The following SLC22A2 variants were observed in gnomAD, a reference collection of about 807,000 sequenced individuals.
SLC22A2 encodes the protein organic cation transporter 2.
SLC22A2 carries 46 observed loss-of-function variants against 60.5 expected under a neutral mutation model. The ratio of observed to expected loss-of-function variants is 0.76; its 90% CI spans 0.60 to 0.97. SLC22A2 has a LOEUF of 0.97. Ranked by LOEUF, SLC22A2 falls within the 50% of genes least tolerant of loss-of-function variation. SLC22A2 has a pLI of 0.00. For synonymous variants in SLC22A2, 303 were observed against 267.0 expected, an observed-to-expected ratio of 1.13 and a Z score of -1.31; for missense variants, 701 against 706.6, an observed-to-expected ratio of 0.99 and a Z score of 0.09.
rs748096830 is a variant in SLC22A2, at chr6:160,250,562, A to G, written c.659T>C (p.Ile220Thr). Residue 220 changes from isoleucine to threonine, a missense_variant, in exon 3 of 11, where the codon ATA becomes ACA. Transcript: ENST00000366953. ...AACATTCTTACTCAGGATGTAGCCTATTAACCAGCCTGCTTTGCTGACCAG... is the reference window on the plus strand; with the variant it reads ...AACATTCTTACTCAGGATGTAGCCTGTTAACCAGCCTGCTTTGCTGACCAG... ...QGLVSKAGWL[I>T]GYILITEFVG... 1 of 1,614,078 alleles carries G rather than the reference A, an allele frequency of 6.2e-7. No individual in the cohort carries two copies. The highest frequency in any genetic ancestry group is 8.5e-7 in the Non-Finnish European group (1 of 1,179,952).
Position 160,232,787 on chromosome 6 carries a change from C to A in SLC22A2, c.1502-7983G>T, listed in dbSNP as rs539224366. ...GCTAAAAAAGCAGCTAGCATTCCAA[C>A]TTCTATCCCTCACGGCAGTTTTTCT... On this transcript the variant is annotated intron_variant, in intron 9 of 10. Transcript: ENST00000366953. Among the ~76,000 whole-genome samples, 13 of 152,002 alleles carry A rather than the reference C, an allele frequency of 8.6e-5. No homozygotes were observed. In the South Asian group the frequency reaches 2.5e-3, roughly 29 times the overall value.
Position 160,217,488 on chromosome 6 carries a change from T to G in SLC22A2, c.1612A>C (p.Asn538His). Residue 538 changes from asparagine to histidine, a missense_variant, in exon 11 of 11, where the codon AAT (asparagine) becomes CAT (histidine). Coordinates refer to ENST00000366953, the MANE Select transcript of SLC22A2 (RefSeq NM_003058.4). ...EAENMQRPRKNKEKMIYLQVQ... is the reference protein window; with the variant it reads ...EAENMQRPRKHKEKMIYLQVQ... ...TGGAGGTAAATCATCTTTTCTTTAT[T>G]TTTTCTTGGTCTGCAATAAGAAATA... 3.8e-6 allele frequency: 6 copies of G among 1,587,516 alleles called. No individual in the cohort carries two copies. The highest frequency in any genetic ancestry group is 5.2e-6 in the Non-Finnish European group (6 of 1,156,346).
At chr6:160,239,794 C>A (rs564134693) in intron 9 of SLC22A2, among the ~76,000 whole-genome samples, 5 of 152,214 alleles carry the variant, frequency 3.3e-5, no homozygotes, top group African/African-American at 1.2e-4. Context: ...AGCTTGTGCT[C>A]TGTCAACTTT....
chr6:160,250,513 T>G, intron 3 of SLC22A2, 35 bp downstream of exon 3: 1 of 1,613,118 alleles, frequency 6.2e-7, no homozygotes, highest in South Asian at 1.1e-5. Flanking sequence ...GCGAGGTTGC[T>G]TTGTTCTCAC....
At position 160,228,829 on chromosome 6, in the gene SLC22A2, C is replaced by T. The variant is rs2114853523; in HGVS notation, c.1502-4025G>A. On this transcript the variant is annotated intron_variant, in intron 9 of 10. Transcript: ENST00000366953. Reference sequence around the variant, plus strand: ...CTGGCTCGTCCTGGCTCAAAAGCTCCCCCACTGAGCACCTTGTGTCCCCCA... The same window carrying T: ...CTGGCTCGTCCTGGCTCAAAAGCTCTCCCACTGAGCACCTTGTGTCCCCCA... Among the ~76,000 whole-genome samples the T allele has an allele frequency of 1.3e-5, 2 of 151,942 alleles. 1 individual carries two copies. The highest frequency in any genetic ancestry group is 4.2e-4 in the South Asian group (2 of 4,808).
intron 10 of SLC22A2, among the ~76,000 whole-genome samples, chr6:160,220,269 C>T (rs1782624777): frequency 6.6e-6 from 1 of 152,216 alleles, no homozygotes; most frequent in South Asian, 2.1e-4. Context: ...ACTTTCTAAG[C>T]TCATCTGTAA....
intron 4 of SLC22A2, among the ~76,000 whole-genome samples, chr6:160,248,137 A>C (rs1156316499): frequency 6.6e-6 from 1 of 152,196 alleles, no homozygotes; most frequent in Non-Finnish European, 1.5e-5. Context: ...CCTCACCCCC[A>C]GTGTGCAATT....
rs9365148 is a variant in SLC22A2 at position 160,228,101 on chromosome 6, T to A, written c.1502-3297A>T. On this transcript the variant is annotated intron_variant, in intron 9 of 10. Transcript: ENST00000366953. The stretch of plus-strand genomic sequence containing the variant: ...AGTAGCCATTCTTTATTCCTTGACT[T>A]CCTTAATAAAGTTGCTTTCACATTA... 3.7e-3 allele frequency among the ~76,000 whole-genome samples: 557 copies of A among 152,352 alleles called. 21 individuals are homozygous for A. The East Asian group carries it at 0.09, about 25-fold the overall frequency.
chr6:160,216,967 A>T lies in SLC22A2; in HGVS notation c.*465T>A, dbSNP rs1240207760. 2.0e-5 allele frequency: 3 copies of T among 151,662 alleles called. No individual in the cohort carries two copies. The allele number at this position is 151,662 out of a possible 1,614,324, so 9.4% of individuals were successfully genotyped here. ...CTTCACCTGTGTTACTGAAAGGCCT[A>T]TCTAAAATTCTTGACATACATTCTG... On this transcript the variant is annotated 3_prime_UTR_variant, in exon 11 of 11. Coordinates refer to ENST00000366953, the MANE Select transcript of SLC22A2 (RefSeq NM_003058.4).
At position 160,247,251 on chromosome 6, in the gene SLC22A2, G is replaced by C. The variant is rs8177513; in HGVS notation, c.890C>G (p.Ala297Gly). ...PRWLISQNKNAEAMRIIKHIA... is the reference protein window; with the variant it reads ...PRWLISQNKNGEAMRIIKHIA... The stretch of plus-strand genomic sequence containing the variant: ...GTGCTTAATGATTCTCATGGCTTCA[G>C]CATTCTTATTCTGGGAGATCAGCCA... Residue 297 changes from alanine to glycine, a missense_variant, in exon 5 of 11, where the codon GCT (alanine) becomes GGT (glycine). Physicochemically the swap from Ala to Gly is moderately conservative, Grantham distance 60. Coordinates refer to ENST00000366953, the MANE Select transcript of SLC22A2 (RefSeq NM_003058.4). 3 of 1,613,556 alleles carry C rather than the reference G, an allele frequency of 1.9e-6. No homozygotes were observed. The highest frequency in any genetic ancestry group is 2.5e-6 in the Non-Finnish European group (3 of 1,179,616).
chr6:160,256,682 G>A lies in SLC22A2; in HGVS notation c.450C>T (p.Asp150=). 6.2e-7 allele frequency: 1 copy of A among 1,614,066 alleles called. No individual in the cohort carries two copies. The highest frequency in any genetic ancestry group is 8.5e-7 in the Non-Finnish European group (1 of 1,179,930). The part of the protein sequence containing the change: ...NLVCANSWML[D]LFQSSVNVGF... ...CTACATTCACTGATGACTGGAATAGGTCCAACATCCAGGAGTTGGCACATA... is the reference window on the plus strand; with the variant it reads ...CTACATTCACTGATGACTGGAATAGATCCAACATCCAGGAGTTGGCACATA... Residue 150 remains aspartate, a synonymous_variant, in exon 2 of 11, where the codon GAC becomes GAT. Coordinates refer to ENST00000366953, the MANE Select transcript of SLC22A2 (RefSeq NM_003058.4).
chr6:160,243,271 C>T (rs1783039938), intron 7 of SLC22A2, among the ~76,000 whole-genome samples: 1 of 152,120 alleles, frequency 6.6e-6, no homozygotes. Context: ...GGAGTAAGAC[C>T]TTGACCTGGG....
At chr6:160,245,889 A>C in intron 5 of SLC22A2, among the ~76,000 whole-genome samples, 1 of 126,572 alleles carries the variant, frequency 7.9e-6, no homozygotes. Context: ...TTTCCCCGAG[A>C]CAGGGTCTTG....
chr6:160,242,042 A>C (rs973230511), intron 8 of SLC22A2, among the ~76,000 whole-genome samples: 1 of 152,072 alleles, frequency 6.6e-6, no homozygotes, highest in Non-Finnish European at 1.5e-5. Flanking sequence ...GTTCCACAAC[A>C]ATCTCCCCTG....
In SLC22A2 at chr6:160,245,446, A is replaced by T. The variant is rs200454197; in HGVS notation, c.1057T>A (p.Tyr353Asn). The change falls in exon 6 of 11, where the codon TAC becomes AAC. Residue 353 changes from tyrosine (Y) to asparagine (N), a missense_variant. Tyr to Asn is a moderately radical substitution (Grantham distance 143). Transcript: ENST00000366953. ...QIRKHTMILM[Y>N]NWFTSSVLYQ... ...GTGAAAAATATTCCTTACCAGTTGT[A>T]CATCAATATCATAGTATGTTTCCTT... The T allele has an allele frequency of 1.0e-5, 16 of 1,549,038 alleles. No individual in the cohort carries two copies. The highest frequency in any genetic ancestry group is 8.9e-7 in the Non-Finnish European group (1 of 1,127,110).
rs1783145532 is a variant in SLC22A2, at chr6:160,249,274, A to G, written c.784T>C (p.Trp262Arg). The G allele has an allele frequency of 6.2e-7, 1 of 1,612,598 alleles. No individual in the cohort carries two copies. The highest frequency in any genetic ancestry group is 8.5e-7 in the Non-Finnish European group (1 of 1,178,894). Residue 262 changes from tryptophan (W) to arginine (R), a missense_variant, in exon 4 of 11, where the codon TGG becomes CGG. Transcript: ENST00000366953. ...LAGVAYALPH[W>R]RWLQFTVSLP... ...GAAACTGTGAACTGCAACCACCTCC[A>G]GTGAGGAAGTGCGTAAGCCACCCCA...
chr6:160,256,867 A>G (rs1039878359), intron 1 of SLC22A2, 150 bp from the exon 2 acceptor site: 1 of 580,660 alleles, frequency 1.7e-6, no homozygotes. Flanking sequence ...TTGTTTCTTG[A>G]TCATGCCAAT....
chr6:160,250,223 T>A (rs1014270338), intron 3 of SLC22A2, among the ~76,000 whole-genome samples: 5 of 152,230 alleles, frequency 3.3e-5, no homozygotes, highest in African/African-American at 1.2e-4. Flanking sequence ...TCATCACTGA[T>A]TCTTCTTTAT....
intron 4 of SLC22A2, among the ~76,000 whole-genome samples, chr6:160,248,708 C>T (rs762102569): frequency 1.3e-4 from 20 of 152,246 alleles, no homozygotes; most frequent in South Asian, 4.2e-4. Flanking sequence ...GCCTTGGTAA[C>T]TCTGATTGAT....
Sources: gnomAD v4.1 joint callset for allele counts (sites outside exome capture counted in the v4.1 genomes callset) on GRCh38, gnomAD v4.1.1 for gene constraint, MANE v1.5 for transcripts, NCBI Gene and HGNC (gene_info 2026-07-23, HGNC 2026-07-21) for gene names.